Variants in EPHA5 observed in about 807,000 individuals in gnomAD.
EPHA5 encodes EPH receptor A5, also known as ephrin type-A receptor 5.
A neutral mutation model predicts 105.0 loss-of-function variants in EPHA5; 60 were observed. The observed-to-expected ratio is 0.57, with a 90% CI of 0.46 to 0.71. The LOEUF is 0.71. Ranked by LOEUF, EPHA5 falls within the 30% of genes least tolerant of loss-of-function variation. The pLI, the probability that EPHA5 is intolerant of heterozygous loss-of-function variation, is 0.00. For missense variants in EPHA5, 1,218 were observed against 1,274.7 expected (o/e 0.96, Z 0.68); for synonymous variants, 513 against 449.1 (o/e 1.14, Z -1.80).
At chr4:65,664,332 CTT>C (rs1749787021) in intron 1 of EPHA5, among the ~76,000 whole-genome samples, 1 of 151,794 alleles carries the variant, frequency 6.6e-6, no homozygotes, top group South Asian at 2.1e-4. Flanking sequence ...CAGAAAATCT[CTT>C]GTTATTTATG....
At chr4:65,518,963 T>C (rs1057121403) in intron 3 of EPHA5, among the ~76,000 whole-genome samples, 3 of 152,200 alleles carry the variant, frequency 2.0e-5, no homozygotes, top group Non-Finnish European at 4.4e-5. Context: ...TAACTCATTT[T>C]ATGAGGCCAG....
intron 5 of EPHA5, among the ~76,000 whole-genome samples, chr4:65,430,905 G>A (rs1724905608): frequency 6.6e-6 from 1 of 152,048 alleles, no homozygotes; most frequent in Non-Finnish European, 1.5e-5. Context: ...AAAAGCAATA[G>A]GAGAAACAAC....
chr4:65,390,029 T>C (rs1423764051), intron 8 of EPHA5, among the ~76,000 whole-genome samples: 3 of 152,054 alleles, frequency 2.0e-5, no homozygotes, highest in Non-Finnish European at 4.4e-5. Context: ...CATTTCAACC[T>C]ATCAATCTAT....
intron 3 of EPHA5, among the ~76,000 whole-genome samples, chr4:65,571,235 A>G (rs1260822989): frequency 2.0e-5 from 3 of 152,026 alleles, no homozygotes; most frequent in African/African-American, 7.2e-5. Context: ...TATATCTTAA[A>G]TTTACTTTAA....
At chr4:65,399,789 A>T (rs1298584764) in intron 8 of EPHA5, among the ~76,000 whole-genome samples, 3 of 152,226 alleles carry the variant, frequency 2.0e-5, no homozygotes, top group African/African-American at 7.2e-5. Context: ...ATTCAGGATC[A>T]CATAATAAAT....
rs1397670613 is a variant in EPHA5, at chr4:65,602,281, A to T, written c.270T>A (p.Asp90Glu). Reference sequence around the variant, plus strand: ...ATGTGTGGATAGGGGCATAATTTTCATCCACTTCACCAATCTCTTCCCACT... The same window carrying T: ...ATGTGTGGATAGGGGCATAATTTTCTTCCACTTCACCAATCTCTTCCCACT... ...KNGWEEIGEV[D>E]ENYAPIHTYQ... Residue 90 changes from aspartate (D) to glutamate (E), a missense_variant, in exon 3 of 17, where the codon GAT (aspartate) becomes GAA (glutamate). This residue lies in a region of EPHA5 where 233 missense variants were observed against 227.5 expected (regional missense o/e 1.02). Transcript: ENST00000613740. The T allele has an allele frequency of 6.2e-7, 1 of 1,601,614 alleles. No individual in the cohort carries two copies. Among genetic ancestry groups the T allele is most frequent in the Non-Finnish European group, 8.5e-7 (1 of 1,175,788 alleles).
At chr4:65,578,502 C>T (rs1409220192) in intron 3 of EPHA5, among the ~76,000 whole-genome samples, 1 of 152,156 alleles carries the variant, frequency 6.6e-6, no homozygotes, top group Non-Finnish European at 1.5e-5. Flanking sequence ...ACTGCACATG[C>T]TCTAAATGGT....
At chr4:65,423,891 A>G (rs752866868) in intron 5 of EPHA5, among the ~76,000 whole-genome samples, 77 of 152,020 alleles carry the variant, frequency 5.1e-4, no homozygotes, top group Non-Finnish European at 9.6e-4. Context: ...CTGACAGGAC[A>G]AGGACATAAA....
intron 5 of EPHA5, among the ~76,000 whole-genome samples, chr4:65,426,194 C>CAACT (rs1724425904): frequency 6.6e-6 from 1 of 152,160 alleles, no homozygotes; most frequent in African/African-American, 2.4e-5. Context: ...GTCATCAAGT[C>CAACT]AACTATCTTT....
At chr4:65,632,919 G>C (rs1327403048) in intron 2 of EPHA5, among the ~76,000 whole-genome samples, 1 of 151,986 alleles carries the variant, frequency 6.6e-6, no homozygotes, top group Admixed American at 6.6e-5. Context: ...CAAGTAATTT[G>C]TGGAAAACAC....
At chr4:65,549,457 G>T (rs1737685775) in intron 3 of EPHA5, among the ~76,000 whole-genome samples, 1 of 152,128 alleles carries the variant, frequency 6.6e-6, no homozygotes, top group African/African-American at 2.4e-5. Flanking sequence ...ATACAACAAT[G>T]ATAATATGTG....
Position 65,534,452 on chromosome 4 carries a change from C to A in EPHA5, c.911-38909G>T, listed in dbSNP as rs535222060. ...ATCTGCAATAACATACAAACAAAACCAAACAAAAGCAAAATAAAGAGATAT... is the reference window on the plus strand; with the variant it reads ...ATCTGCAATAACATACAAACAAAACAAAACAAAAGCAAAATAAAGAGATAT... On this transcript the variant is annotated intron_variant, in intron 3 of 16. Transcript: ENST00000613740. 2.0e-5 allele frequency among the ~76,000 whole-genome samples: 3 copies of A among 152,120 alleles called. No homozygotes were observed. In the South Asian group the frequency reaches 6.2e-4, roughly 32 times the overall value.
intron 5 of EPHA5, among the ~76,000 whole-genome samples, chr4:65,423,872 G>A (rs1724169095): frequency 6.6e-6 from 1 of 151,840 alleles, no homozygotes; most frequent in African/African-American, 2.4e-5. Flanking sequence ...TTGCTTCTAA[G>A]CCCTCTAACT....
chr4:65,368,968 T>G (rs1040280983), intron 8 of EPHA5, among the ~76,000 whole-genome samples: 3 of 152,212 alleles, frequency 2.0e-5, no homozygotes, highest in Admixed American at 1.3e-4. Context: ...CTTAATGTAG[T>G]ATTTTCCCTT....
At chr4:65,602,336 ATTC>A in intron 2 of EPHA5, 32 bp from the exon 3 acceptor site, 1 of 1,132,190 alleles carries the variant, frequency 8.8e-7, no homozygotes, top group Non-Finnish European at 1.2e-6. Context: ...GATAAAAAAA[ATTC>A]AAAAAATAGA....
At chr4:65,436,854 C>G (rs922242772) in intron 5 of EPHA5, among the ~76,000 whole-genome samples, 8 of 151,912 alleles carry the variant, frequency 5.3e-5, no homozygotes, top group Non-Finnish European at 1.0e-4. Flanking sequence ...TCTTTTTCCC[C>G]CCTTTATTTA....
intron 3 of EPHA5, among the ~76,000 whole-genome samples, chr4:65,505,731 C>A (rs1732945852): frequency 6.6e-6 from 1 of 152,090 alleles, no homozygotes; most frequent in South Asian, 2.1e-4. Flanking sequence ...TCTTTTCCAT[C>A]TTCTCAAGCA....
At chr4:65,456,719 C>CAT (rs756065851) in intron 5 of EPHA5, among the ~76,000 whole-genome samples, 11 of 83,654 alleles carry the variant, frequency 1.3e-4, no homozygotes, top group African/African-American at 2.8e-4. Context: ...ACAAAATAAA[C>CAT]ATATACACAC....
chr4:65,444,260 G>A (rs984659914), intron 5 of EPHA5, among the ~76,000 whole-genome samples: 3 of 152,078 alleles, frequency 2.0e-5, no homozygotes, highest in Non-Finnish European at 4.4e-5. Flanking sequence ...GCAAAATGAA[G>A]ATAATATCTA....
Sources: gnomAD v4.1 joint callset for allele counts (sites outside exome capture counted in the v4.1 genomes callset) on GRCh38, gnomAD v4.1.1 for gene constraint, gnomAD v4.1.1 regional missense constraint, MANE v1.5 for transcripts, NCBI Gene and HGNC (gene_info 2026-07-23, HGNC 2026-07-21) for gene names.